Variants in STPG2 observed in about 807,000 individuals in gnomAD.
The protein encoded by STPG2 is sperm-tail PG-rich repeat-containing protein 2.
In STPG2, 56 loss-of-function variants were observed where a neutral mutation model predicts 54.2. The ratio of observed to expected loss-of-function variants is 1.03; its 90% confidence interval spans 0.83 to 1.29. STPG2 has a LOEUF of 1.29. Among genes scored for constraint, STPG2 ranks in the 50% most tolerant of loss-of-function variants. The probability of loss-of-function intolerance (pLI) is 0.00; values close to 1 mark genes in which losing one functional copy is unlikely to be tolerated. For synonymous variants in STPG2, 200 were observed against 181.8 expected (o/e 1.10, Z -0.81); for missense variants, 596 against 544.9 (o/e 1.09, Z -0.93).
chr4:97,891,948 A>G (rs192574606), intron 8 of STPG2, among the ~76,000 whole-genome samples: 57 of 152,210 alleles, frequency 3.7e-4, no homozygotes, highest in African/African-American at 1.3e-3. Flanking sequence ...ATTGCTGGCT[A>G]TCTGGTATGT....
chr4:98,091,351 C>T (rs1297831999), intron 5 of STPG2, among the ~76,000 whole-genome samples: 11 of 151,950 alleles, frequency 7.2e-5, no homozygotes, highest in South Asian at 4.1e-4. Context: ...AAATGTTTAC[C>T]GGCCCAAAAT....
intron 8 of STPG2, among the ~76,000 whole-genome samples, chr4:97,930,504 G>A (rs984835531): frequency 5.3e-5 from 8 of 152,044 alleles, no homozygotes; most frequent in Admixed American, 5.2e-4. Context: ...TGGCCCTCAT[G>A]TCTGGTCTCT....
At chr4:97,698,351 G>A (rs893725692) in intron 10 of STPG2, among the ~76,000 whole-genome samples, 9 of 152,250 alleles carry the variant, frequency 5.9e-5, no homozygotes, top group Non-Finnish European at 1.3e-4. Flanking sequence ...CCGTTGTGGA[G>A]TAGTAGACTG....
chr4:97,546,654 T>C (rs1198198758), intron 4 of STPG2, among the ~76,000 whole-genome samples: 1 of 152,156 alleles, frequency 6.6e-6, no homozygotes, highest in South Asian at 2.1e-4. Context: ...ATTATTTGCA[T>C]CCAATGTTGC....
At chr4:97,643,957 G>A (rs543546289) in intron 10 of STPG2, among the ~76,000 whole-genome samples, 124 of 151,954 alleles carry the variant, frequency 8.2e-4, no homozygotes, top group Admixed American at 7.9e-4. Flanking sequence ...AGAAGGAGAT[G>A]AATGTCTTTT....
intron 8 of STPG2, among the ~76,000 whole-genome samples, chr4:97,902,075 A>C (rs1252623576): frequency 6.6e-6 from 1 of 152,088 alleles, no homozygotes; most frequent in African/African-American, 2.4e-5. Context: ...CTCTTCAATA[A>C]ATAGTCTTGA....
chr4:97,808,707 A>AAC (rs1180915938), intron 9 of STPG2, among the ~76,000 whole-genome samples: 2 of 150,202 alleles, frequency 1.3e-5, no homozygotes, highest in African/African-American at 4.9e-5. Context: ...CAAAAAAAAA[A>AAC]CCCACAGAAA....
intron 8 of STPG2, among the ~76,000 whole-genome samples, chr4:97,861,825 T>C (rs1170288450): frequency 1.3e-5 from 2 of 151,854 alleles, no homozygotes; most frequent in Admixed American, 6.6e-5. Context: ...CCAAACTAAG[T>C]TTCATAAGTG....
At chr4:97,734,672 GA>G (rs973869983) in intron 9 of STPG2, among the ~76,000 whole-genome samples, 3 of 151,818 alleles carry the variant, frequency 2.0e-5, no homozygotes, top group South Asian at 2.1e-4. Flanking sequence ...TGTGGTGCAG[GA>G]AAAAAAAGTT....
chr4:97,982,530 T>C (rs1734715558), intron 5 of STPG2, among the ~76,000 whole-genome samples: 1 of 152,180 alleles, frequency 6.6e-6, no homozygotes. Context: ...CTTCAGTAAA[T>C]GTATCAATGA....
chr4:98,141,798 T>C (rs1165753662), intron 1 of STPG2, among the ~76,000 whole-genome samples: 1 of 151,960 alleles, frequency 6.6e-6, no homozygotes, highest in Non-Finnish European at 1.5e-5. Flanking sequence ...ACTCTTTTCA[T>C]CAACAAGAAA....
At position 98,109,270 on chromosome 4, in the gene STPG2, T is replaced by C; in HGVS notation, c.423A>G (p.Ile141Met). 1 of 1,609,574 alleles carries C rather than the reference T, an allele frequency of 6.2e-7. No homozygotes were observed. Among genetic ancestry groups the C allele is most frequent in the Non-Finnish European group, 8.5e-7 (1 of 1,177,838 alleles). The change falls in exon 4 of 11, where the codon ATA (isoleucine) becomes ATG (methionine). Residue 141 changes from isoleucine (I) to methionine (M), a missense_variant. Ile to Met is a conservative substitution (Grantham distance 10). Coordinates refer to ENST00000295268, the MANE Select transcript of STPG2 (RefSeq NM_174952.3). ...VSNATLKYKGIHFGNSSGRQE... is the reference protein window; with the variant it reads ...VSNATLKYKGMHFGNSSGRQE... ...GTCTTCCTGAAGAGTTGCCAAAATG[T>C]ATACCTTTGTATTTCAAAGTTGCAT... is the stretch of plus-strand genomic sequence containing the variant.
At chr4:98,072,308 A>T (rs998106080) in intron 5 of STPG2, among the ~76,000 whole-genome samples, 1 of 152,200 alleles carries the variant, frequency 6.6e-6, no homozygotes, top group African/African-American at 2.4e-5. Context: ...TAACACAAGA[A>T]CAGAATACCA....
intron 7 of STPG2, among the ~76,000 whole-genome samples, chr4:97,963,745 T>C (rs568355177): frequency 6.6e-6 from 1 of 151,894 alleles, no homozygotes; most frequent in African/African-American, 2.4e-5. Flanking sequence ...ACATATATAT[T>C]TATTTATACT....
At chr4:97,834,405 G>A (rs1728571186) in intron 9 of STPG2, among the ~76,000 whole-genome samples, 1 of 152,074 alleles carries the variant, frequency 6.6e-6, no homozygotes, top group South Asian at 2.1e-4. Context: ...AATACCTAAT[G>A]TAGATGAAGG....
chr4:97,495,490 C>T (rs984424590), intron 4 of STPG2, among the ~76,000 whole-genome samples: 8 of 151,096 alleles, frequency 5.3e-5, no homozygotes, highest in African/African-American at 1.9e-4. Context: ...TTTCTAGTAT[C>T]GCATTTAGTG....
intron 6 of STPG2, among the ~76,000 whole-genome samples, chr4:97,979,226 A>G (rs1389099816): frequency 6.6e-6 from 1 of 150,582 alleles, no homozygotes; most frequent in Non-Finnish European, 1.5e-5. Context: ...AGAAAGCTAC[A>G]GCGGCAAACA....
chr4:97,812,274 T>G (rs983579803), intron 9 of STPG2, among the ~76,000 whole-genome samples: 1 of 152,126 alleles, frequency 6.6e-6, no homozygotes, highest in Non-Finnish European at 1.5e-5. Context: ...AAATTACAGA[T>G]GATCTGTTAG....
At chr4:97,486,897 A>ACAC (rs1491404362) in intron 4 of STPG2, among the ~76,000 whole-genome samples, 2 of 146,578 alleles carry the variant, frequency 1.4e-5, no homozygotes, top group Admixed American at 6.8e-5. Flanking sequence ...ACACACACAC[A>ACAC]ATGGAATACT....
Sources: gnomAD v4.1 joint callset for allele counts (sites outside exome capture counted in the v4.1 genomes callset) on GRCh38, gnomAD v4.1.1 for gene constraint, MANE v1.5 for transcripts, NCBI Gene and HGNC (gene_info 2026-07-23, HGNC 2026-07-21) for gene names.